The following BLTP2 variants were observed in gnomAD, a reference collection of about 807,000 sequenced individuals.
BLTP2 encodes U937-associated antigen.
At chr17:28,622,617 G>C in the BLTP2 span, among the ~76,000 whole-genome samples, 70 of 152,246 alleles carry the variant, frequency 4.6e-4, no homozygotes, top group East Asian at 0.012. Flanking sequence ...ATAATCAATA[G>C]ACTCTCCAAT....
the BLTP2 span, chr17:28,635,071 T>C: frequency 6.2e-7 from 1 of 1,613,176 alleles, no homozygotes; most frequent in Non-Finnish European, 8.5e-7. Flanking sequence ...CACAGCCTCA[T>C]CTAGAGTTCG....
chr17:28,641,011 G>A, the BLTP2 span, among the ~76,000 whole-genome samples: 13 of 152,214 alleles, frequency 8.5e-5, no homozygotes, highest in Non-Finnish European at 1.5e-4. Flanking sequence ...CTAGGCTTCA[G>A]TTTCCTTATT....
chr17:28,642,541 C>T, the BLTP2 span: 3 of 582,136 alleles, frequency 5.2e-6, no homozygotes, highest in East Asian at 8.7e-5. Flanking sequence ...GTCCCAGCTA[C>T]TCGGGAGGCT....
the BLTP2 span, chr17:28,623,828 C>A: frequency 6.2e-7 from 1 of 1,614,204 alleles, no homozygotes; most frequent in Non-Finnish European, 8.5e-7. Flanking sequence ...TACTGCATGC[C>A]ATCCAAGAGG....
the BLTP2 span, chr17:28,628,355 G>T: frequency 6.2e-7 from 1 of 1,614,168 alleles, no homozygotes; most frequent in Non-Finnish European, 8.5e-7. Flanking sequence ...CCCCGCTTTG[G>T]CTTTTTGGCT....
the BLTP2 span, chr17:28,615,694 T>C: frequency 2.5e-6 from 4 of 1,614,036 alleles, no homozygotes; most frequent in African/African-American, 5.3e-5. Flanking sequence ...GGCTGTCCCT[T>C]TTGACAGCCA....
chr17:28,645,048 C>T, the BLTP2 span: 2 of 1,600,730 alleles, frequency 1.2e-6, no homozygotes, highest in Non-Finnish European at 8.5e-7. Context: ...CGGAGAAGAA[C>T]AGAGGCATTT....
At chr17:28,631,403 T>C in the BLTP2 span, 1 of 1,369,988 alleles carries the variant, frequency 7.3e-7, no homozygotes, top group Non-Finnish European at 1.0e-6. Flanking sequence ...CTCTGGTATT[T>C]TGTTATGGCA....
At chr17:28,621,049 C>T in the BLTP2 span, 1 of 1,614,178 alleles carries the variant, frequency 6.2e-7, no homozygotes, top group Non-Finnish European at 8.5e-7. Flanking sequence ...GTGGCTTAAT[C>T]TGAGTTGCTA....
the BLTP2 span, chr17:28,634,451 C>G: frequency 7.6e-7 from 1 of 1,322,988 alleles, no homozygotes; most frequent in African/African-American, 1.5e-5. Context: ...CCTCTGAAAT[C>G]ACTGAGAGCT....
At chr17:28,633,869 A>G in the BLTP2 span, 1 of 1,611,834 alleles carries the variant, frequency 6.2e-7, no homozygotes, top group South Asian at 1.1e-5. Flanking sequence ...TCCCTCAGCC[A>G]AACCAACTGC....
the BLTP2 span, chr17:28,639,811 G>T: frequency 6.6e-7 from 1 of 1,526,494 alleles, no homozygotes; most frequent in Non-Finnish European, 9.1e-7. Flanking sequence ...GTTACACTGA[G>T]ATTAGATTAA....
the BLTP2 span, chr17:28,639,850 A>G: frequency 6.2e-7 from 1 of 1,606,652 alleles, no homozygotes; most frequent in Non-Finnish European, 8.5e-7. Flanking sequence ...GAGCAAAGAG[A>G]GTATCTAGTC....
chr17:28,643,601 G>A, the BLTP2 span: 3 of 1,611,774 alleles, frequency 1.9e-6, no homozygotes, highest in South Asian at 1.1e-5. Context: ...GAGAATATAG[G>A]GTACTCACGG....
At chr17:28,617,104 G>A in the BLTP2 span, 1 of 1,166,592 alleles carries the variant, frequency 8.6e-7, no homozygotes, top group Non-Finnish European at 1.3e-6. Context: ...GTACTGCTAA[G>A]CTGGGCAAGC....
At chr17:28,642,192 G>C in the BLTP2 span, 1 of 1,581,448 alleles carries the variant, frequency 6.3e-7, no homozygotes, top group East Asian at 2.2e-5. Context: ...TAAGGTCAAA[G>C]AACCTAGGAT....
the BLTP2 span, among the ~76,000 whole-genome samples, chr17:28,617,685 C>A: frequency 6.6e-6 from 1 of 152,158 alleles, no homozygotes; most frequent in African/African-American, 2.4e-5. Flanking sequence ...GATTATTTGC[C>A]TCTGGGCCAT....
chr17:28,632,970 GA>G, the BLTP2 span: 3 of 1,549,952 alleles, frequency 1.9e-6, no homozygotes, highest in Non-Finnish European at 2.6e-6. Context: ...GATCCATCTT[GA>G]TGGAGAGATT....
At chr17:28,623,209 T>A in the BLTP2 span, among the ~76,000 whole-genome samples, 2 of 152,202 alleles carry the variant, frequency 1.3e-5, no homozygotes, top group African/African-American at 4.8e-5. Flanking sequence ...AAGCACCTTA[T>A]GTGATCCTTT....
Sources: allele counts gnomAD v4.1 joint callset (sites outside exome capture counted in the v4.1 genomes callset), GRCh38; gene constraint gnomAD v4.1.1; transcripts MANE v1.5; gene names NCBI Gene and HGNC (gene_info 2026-07-23, HGNC 2026-07-21).